Variants in CYB5D2 observed in about 807,000 individuals in gnomAD.
CYB5D2 encodes neuferricin.
CYB5D2 carries 23 observed loss-of-function variants against 22.8 expected under a neutral mutation model. The observed-to-expected ratio is 1.01, with a 90% CI of 0.73 to 1.43. The LOEUF (loss-of-function observed/expected upper bound fraction) is 1.43. Ranked by LOEUF, CYB5D2 falls within the 40% of genes most tolerant of loss-of-function variation. The pLI is 0.00. For missense variants in CYB5D2, 373 were observed against 357.2 expected, an observed-to-expected ratio of 1.04 and a Z score of -0.36; for synonymous variants, 170 against 152.2, an observed-to-expected ratio of 1.12 and a Z score of -0.86.
chr17:4,143,384 G>A lies in CYB5D2; in HGVS notation c.-372G>A, dbSNP rs2145650885. ...TCTACTAAATACAAAATATTAGCCG[G>A]ACGTGGGGGCGCGTGCCTGTAATCC... On this transcript the variant is annotated 5_prime_UTR_variant, in exon 1 of 4. Transcript: ENST00000301391. 1 of 189,644 alleles carries A rather than the reference G, an allele frequency of 5.3e-6. No individual in the cohort carries two copies. Among genetic ancestry groups the A allele is most frequent in the African/African-American group, 2.4e-5 (1 of 42,346 alleles). 11.7% of individuals were successfully genotyped at this position (189,644 alleles called of 1,614,324 possible). A position where few individuals can be genotyped will look rare whatever the true frequency, so the allele number is the denominator to read the frequency against.
chr17:4,146,306 G>A (rs1670762912), intron 1 of CYB5D2, among the ~76,000 whole-genome samples: 1 of 152,072 alleles, frequency 6.6e-6, no homozygotes, highest in Non-Finnish European at 1.5e-5. Flanking sequence ...TGTTGGCCAG[G>A]CTGGACAGGA....
rs1416086109 is a variant in CYB5D2 at position 4,157,499 on chromosome 17, T to C, written c.*417T>C. On this transcript the variant is annotated 3_prime_UTR_variant, in exon 4 of 4. Transcript: ENST00000301391. The surrounding 1 kb of genome is among the most constrained non-coding windows in gnomAD (Gnocchi z 4.4). ...GGAATTGGAAAAGCTTTTGCTTGTATGGATACAGCAAATCCAGATGTCTCT... is the reference window on the plus strand; with the variant it reads ...GGAATTGGAAAAGCTTTTGCTTGTACGGATACAGCAAATCCAGATGTCTCT... 1 of 211,558 alleles carries C rather than the reference T, an allele frequency of 4.7e-6. No homozygotes were observed. Among genetic ancestry groups the C allele is most frequent in the East Asian group, 1.3e-4 (1 of 7,488 alleles). The allele number at this position is 211,558 out of a possible 1,614,324, so 13.1% of individuals were successfully genotyped here.
intron 1 of CYB5D2, among the ~76,000 whole-genome samples, chr17:4,146,478 C>G (rs1472877151): frequency 2.0e-5 from 3 of 151,866 alleles, no homozygotes; most frequent in African/African-American, 7.3e-5. Context: ...GCAAGCTCCG[C>G]CTCCTGAGTT....
Position 4,143,722 on chromosome 17 carries a change from A to T in CYB5D2, c.-34A>T, listed in dbSNP as rs1362880712. On this transcript the variant is annotated 5_prime_UTR_variant, in exon 1 of 4. Transcript: ENST00000301391. Reference sequence around the variant, plus strand: ...ATCTTAGCTGTAGATAGAGGCGGCAACCTCGGAAGTGCGGAGCGGGTGGGC... The same window carrying T: ...ATCTTAGCTGTAGATAGAGGCGGCATCCTCGGAAGTGCGGAGCGGGTGGGC... 1 of 1,577,182 alleles carries T rather than the reference A, an allele frequency of 6.3e-7. No homozygotes were observed. Among genetic ancestry groups the T allele is most frequent in the Non-Finnish European group, 8.6e-7 (1 of 1,158,112 alleles).
chr17:4,147,920 G>A (rs935506928), intron 1 of CYB5D2, among the ~76,000 whole-genome samples: 3 of 152,226 alleles, frequency 2.0e-5, no homozygotes, highest in East Asian at 1.9e-4. Context: ...AATGAATGAC[G>A]TGTTAAGGAA....
At position 4,157,176 on chromosome 17, in the gene CYB5D2, C is replaced by T. The variant is rs187014998; in HGVS notation, c.*94C>T. Reference sequence around the variant, plus strand: ...GTGTGCCCTGGGATGCCTCCTGGCGCGAATCAGGAGGGTCTGGAAGGACTC... The same window carrying T: ...GTGTGCCCTGGGATGCCTCCTGGCGTGAATCAGGAGGGTCTGGAAGGACTC... On this transcript the variant is annotated 3_prime_UTR_variant, in exon 4 of 4. Coordinates refer to ENST00000301391, the MANE Select transcript of CYB5D2 (RefSeq NM_144611.4). This position sits in a 1 kb window ranked among gnomAD's most constrained non-coding sequence, Gnocchi z 4.4. The T allele has an allele frequency of 1.3e-4, 186 of 1,390,506 alleles. No homozygotes were observed. The African/African-American group carries it at 1.5e-3, about 11-fold the overall frequency. 86.1% of individuals were successfully genotyped at this position (1,390,506 alleles called of 1,614,324 possible).
Position 4,149,900 on chromosome 17 carries a change from C to T in CYB5D2, c.260C>T (p.Ala87Val). 1.2e-6 allele frequency: 2 copies of T among 1,613,972 alleles called. No homozygotes were observed. Among genetic ancestry groups the T allele is most frequent in the Middle Eastern group, 1.7e-4 (1 of 6,060 alleles). The change falls in exon 2 of 4, where the codon GCA becomes GTA. Residue 87 changes from alanine (A) to valine (V), a missense_variant. Ala to Val is a moderately conservative substitution (Grantham distance 64). Transcript: ENST00000301391. Reference protein sequence around the residue: ...SHYSGFAGRDASRAFVTGDCS... With the variant: ...SHYSGFAGRDVSRAFVTGDCS... ...AACATCTCTGTTCCAGGCCGAGACG[C>T]ATCCAGAGCTTTCGTGACCGGGGAC...
At chr17:4,149,634 T>TA (rs2059031340) in intron 1 of CYB5D2, among the ~76,000 whole-genome samples, 1 of 151,866 alleles carries the variant, frequency 6.6e-6, no homozygotes, top group African/African-American at 2.4e-5. Flanking sequence ...CCATCTCTAC[T>TA]AAAAAAATAC....
chr17:4,153,307 G>A (rs902527428), intron 2 of CYB5D2, among the ~76,000 whole-genome samples: 2 of 151,662 alleles, frequency 1.3e-5, no homozygotes, highest in East Asian at 3.9e-4. Flanking sequence ...AGGAGAGTGT[G>A]CTGGGTCAGG....
At chr17:4,156,652 C>G (rs983795018) in intron 3 of CYB5D2, among the ~76,000 whole-genome samples, 5 of 152,164 alleles carry the variant, frequency 3.3e-5, no homozygotes, top group African/African-American at 1.2e-4. Flanking sequence ...TGCCCTTGGC[C>G]TGGGGAAGGT....
At chr17:4,144,125 A>T in intron 1 of CYB5D2, 120 bp downstream of exon 1, 1 of 1,369,896 alleles carries the variant, frequency 7.3e-7, no homozygotes, top group Admixed American at 2.4e-5. Context: ...ACATCCATCA[A>T]ACCCGTGCGG....
chr17:4,146,013 G>A (rs780660268), intron 1 of CYB5D2, among the ~76,000 whole-genome samples: 6 of 152,146 alleles, frequency 3.9e-5, no homozygotes, highest in South Asian at 2.1e-4. Flanking sequence ...TGGCCAGGCC[G>A]GTCTTGAACT....
chr17:4,145,771 A>G (rs946415155), intron 1 of CYB5D2, among the ~76,000 whole-genome samples: 5 of 152,156 alleles, frequency 3.3e-5, no homozygotes, highest in Non-Finnish European at 4.4e-5. Flanking sequence ...CACGTGATGT[A>G]AAGTCCTTTT....
Position 4,154,690 on chromosome 17 carries a change from G to T in CYB5D2, c.408G>T (p.Arg136=), listed in dbSNP as rs528810352. 142 of 1,614,138 alleles carry T rather than the reference G, an allele frequency of 8.8e-5. No individual in the cohort carries two copies. In the South Asian group the frequency reaches 9.8e-4, roughly 11 times the overall value. ...TCATCACAGGGAGGGTGACAGGACG[G>T]TTCTACGGAGAGGATGGGCTGCCCA... ...NYVCVGRVTG[R]FYGEDGLPTP... is the part of the protein sequence containing the mutation. Residue 136 remains arginine (R), a synonymous_variant, in exon 3 of 4, where the codon CGG becomes CGT. Transcript: ENST00000301391.
intron 1 of CYB5D2, among the ~76,000 whole-genome samples, chr17:4,149,563 G>A (rs1287714085): frequency 6.6e-6 from 1 of 151,914 alleles, no homozygotes; most frequent in Non-Finnish European, 1.5e-5. Flanking sequence ...CCAGCACTTT[G>A]GGAGGCCAAG....
chr17:4,144,167 T>C (rs1220870190), intron 1 of CYB5D2, among the ~76,000 whole-genome samples, 162 bp downstream of exon 1: 1 of 152,042 alleles, frequency 6.6e-6, no homozygotes, highest in Non-Finnish European at 1.5e-5. Context: ...ACTATCCTTC[T>C]AGGCTCTCTG....
chr17:4,155,043 G>A (rs4790175), intron 3 of CYB5D2, among the ~76,000 whole-genome samples, 183 bp downstream of exon 3: 105,953 of 152,080 alleles, frequency 0.7, 38,309 homozygotes, highest in East Asian at 0.92. Flanking sequence ...CCGAAATTAC[G>A]GATGGTCAGA....
At chr17:4,151,619 G>A (rs917372458) in intron 2 of CYB5D2, among the ~76,000 whole-genome samples, 2 of 151,800 alleles carry the variant, frequency 1.3e-5, no homozygotes, top group African/African-American at 4.8e-5. Flanking sequence ...CCTGGAAGAC[G>A]GAGGTTGCAG....
intron 2 of CYB5D2, among the ~76,000 whole-genome samples, chr17:4,150,254 T>A (rs2059041056): frequency 6.6e-6 from 1 of 152,198 alleles, no homozygotes; most frequent in African/African-American, 2.4e-5. Context: ...CTAAGCTGCT[T>A]GCTTTGGCCT....
Sources: allele counts gnomAD v4.1 joint callset (sites outside exome capture counted in the v4.1 genomes callset), GRCh38; gene constraint gnomAD v4.1.1; non-coding constraint Gnocchi (gnomAD v3.1); transcripts MANE v1.5; gene names NCBI Gene and HGNC (gene_info 2026-07-23, HGNC 2026-07-21).